Variants in FGF14 observed in about 807,000 individuals in gnomAD.
The protein encoded by FGF14 is fibroblast growth factor homologous factor 4.
Under a neutral mutation model 25.5 loss-of-function variants are expected in FGF14, and 5 were observed. The ratio of observed to expected loss-of-function variants is 0.20; its 90% CI spans 0.10 to 0.41. The LOEUF (loss-of-function observed/expected upper bound fraction) is 0.41, where lower values mean the gene tolerates loss of function less well. Among genes scored for constraint, FGF14 ranks in the 10% least tolerant of loss-of-function variants. The probability of loss-of-function intolerance (pLI) is 1.00; values close to 1 mark genes in which losing one functional copy is unlikely to be tolerated. For synonymous variants in FGF14, 138 were observed against 118.3 expected, an observed-to-expected ratio of 1.17 and a Z score of -1.08; for missense variants, 222 against 320.1, an observed-to-expected ratio of 0.69 and a Z score of 2.34.
chr13:101,976,988 T>C lies in FGF14; in HGVS notation c.209-101692A>G, dbSNP rs555534673. Among the ~76,000 whole-genome samples, 12 of 152,354 alleles carry C rather than the reference T, an allele frequency of 7.9e-5. No homozygotes were observed. The East Asian group carries it at 1.7e-3, about 22-fold the overall frequency. Reference sequence around the variant, plus strand: ...GGATAATATCATTACATTCCATATATATTATTGTACACAAATAACGTTATA... The same window carrying C: ...GGATAATATCATTACATTCCATATACATTATTGTACACAAATAACGTTATA... On this transcript the variant is annotated intron_variant, in intron 1 of 4. Transcript: ENST00000376131.
chr13:101,767,168 C>T (rs1281082262), intron 3 of FGF14, among the ~76,000 whole-genome samples: 1 of 152,036 alleles, frequency 6.6e-6, no homozygotes, highest in African/African-American at 2.4e-5. Flanking sequence ...TTTCTAGCCA[C>T]GTATGTGATG....
At chr13:102,171,219 G>A (rs2140677089) in intron 1 of FGF14, among the ~76,000 whole-genome samples, 1 of 152,256 alleles carries the variant, frequency 6.6e-6, no homozygotes, top group East Asian at 1.9e-4. Flanking sequence ...TTTATCATGT[G>A]CTGTTTCTAT....
rs2034561032 is a variant in FGF14, at chr13:101,713,246, T to C, written c.*9585A>G. 6.6e-6 allele frequency: 1 copy of C among 152,228 alleles called. No individual in the cohort carries two copies. The highest frequency in any genetic ancestry group is 3.2e-3 in the Middle Eastern group (1 of 316). The allele number at this position is 152,228 out of a possible 1,614,324, so 9.4% of individuals were successfully genotyped here. A position where few individuals can be genotyped will look rare whatever the true frequency, so the allele number is the denominator to read the frequency against. ...CTGAATCCTTTCATGATATCTGTGA[T>C]GACCACAACTCCTTTTTCCTGATCA... On this transcript the variant is annotated 3_prime_UTR_variant, in exon 5 of 5. Coordinates refer to ENST00000376143, the MANE Select transcript of FGF14 (RefSeq NM_004115.4).
intron 1 of FGF14, among the ~76,000 whole-genome samples, chr13:101,905,512 T>C (rs1254483763): frequency 6.6e-6 from 1 of 150,850 alleles, no homozygotes; most frequent in Non-Finnish European, 1.5e-5. Flanking sequence ...TGAGAACACA[T>C]GGACATGGGG....
chr13:101,764,578 A>T (rs2038260406), intron 3 of FGF14, among the ~76,000 whole-genome samples: 1 of 151,612 alleles, frequency 6.6e-6, no homozygotes, highest in African/African-American at 2.4e-5. Context: ...TTGTTTCTTC[A>T]CTCTCCCTGC....
At position 102,400,544 on chromosome 13, in the gene FGF14, G is replaced by C. The variant is rs1251472703; in HGVS notation, c.208+927C>G. Among the ~76,000 whole-genome samples the C allele has an allele frequency of 6.6e-6, 1 of 152,154 alleles. No homozygotes were observed. The highest frequency in any genetic ancestry group is 2.4e-5 in the African/African-American group (1 of 41,444). Reference sequence around the variant, plus strand: ...GTTGCTCGCCCACAGCTCCGCGGCCGCCCCCAATCGCCTCGGACTGAGACG... The same window carrying C: ...GTTGCTCGCCCACAGCTCCGCGGCCCCCCCCAATCGCCTCGGACTGAGACG... On this transcript the variant is annotated intron_variant, in intron 1 of 4. Transcript: ENST00000376131. The surrounding 1 kb of genome is among the most constrained non-coding windows in gnomAD (Gnocchi z 4.3).
chr13:101,758,758 T>C (rs1462209073), intron 3 of FGF14, among the ~76,000 whole-genome samples: 1 of 152,208 alleles, frequency 6.6e-6, no homozygotes, highest in East Asian at 1.9e-4. Flanking sequence ...TGACTGAGTA[T>C]AGATCAGCAG....
chr13:101,754,035 GTGCCTGGAATAGCCATTTCTT>G (rs2139858189), intron 3 of FGF14, among the ~76,000 whole-genome samples: 1 of 152,234 alleles, frequency 6.6e-6, no homozygotes, highest in East Asian at 1.9e-4. Flanking sequence ...GTATGCCCGC[GTGCCTGGAATAGCCATTTCTT>G]TGCCTTTTCG....
intron 3 of FGF14, among the ~76,000 whole-genome samples, chr13:101,799,584 G>T (rs2040751595): frequency 6.6e-6 from 1 of 152,076 alleles, no homozygotes; most frequent in African/African-American, 2.4e-5. Context: ...CCGATCATTT[G>T]GGGGAAATTG....
rs750528123 is a variant in FGF14, at chr13:102,135,206, T to TCAAA, written c.209-259914_209-259911dup. The stretch of plus-strand genomic sequence containing the variant: ...CTGGGTGACAGAGCAAGACCCTATC[T>TCAAA]CAAACAAACAAACAAAGAAAAAGAC... On this transcript the variant is annotated intron_variant, in intron 1 of 4. Coordinates refer to the FGF14 transcript ENST00000376131. Among the ~76,000 whole-genome samples the TCAAA allele has an allele frequency of 8.5e-5, 13 of 152,078 alleles. 1 individual carries two copies. In the East Asian group the frequency reaches 1.7e-3, roughly 20 times the overall value.
intron 1 of FGF14, among the ~76,000 whole-genome samples, chr13:102,278,367 G>A (rs1401692183): frequency 6.6e-6 from 1 of 152,132 alleles, no homozygotes; most frequent in Non-Finnish European, 1.5e-5. Flanking sequence ...AAACTGGAAA[G>A]GTGGCTTCAA....
chr13:101,811,026 A>C (rs2041475161), intron 3 of FGF14, among the ~76,000 whole-genome samples: 3 of 74,012 alleles, frequency 4.1e-5, no homozygotes, highest in South Asian at 5.6e-4. Flanking sequence ...CAAAACACAC[A>C]TATCCGCCCC....
chr13:102,119,672 C>G (rs627884), intron 1 of FGF14, among the ~76,000 whole-genome samples: 27,659 of 152,038 alleles, frequency 0.18, 2,926 homozygotes, highest in African/African-American at 0.3. Context: ...TTCACGCACA[C>G]ATAAAAGTAT....
intron 1 of FGF14, among the ~76,000 whole-genome samples, chr13:102,249,426 C>G (rs1208130303): frequency 2.6e-5 from 4 of 152,134 alleles, no homozygotes; most frequent in African/African-American, 7.2e-5. Flanking sequence ...GCCTTGAAGA[C>G]AGCAGTTTTG....
intron 1 of FGF14, among the ~76,000 whole-genome samples, chr13:102,066,398 T>C (rs1381835005): frequency 6.6e-6 from 1 of 152,136 alleles, no homozygotes; most frequent in Non-Finnish European, 1.5e-5. Context: ...TGGATACAAA[T>C]TAGGCACTCA....
chr13:101,938,297 T>C (rs1566464823), intron 1 of FGF14, among the ~76,000 whole-genome samples: 1 of 152,236 alleles, frequency 6.6e-6, no homozygotes, highest in Admixed American at 6.5e-5. Flanking sequence ...AAAAAATCCA[T>C]TGGCATAGAG....
chr13:101,817,882 T>C (rs2041918550), intron 3 of FGF14, among the ~76,000 whole-genome samples: 1 of 152,216 alleles, frequency 6.6e-6, no homozygotes, highest in South Asian at 2.1e-4. Flanking sequence ...GTTCTGATGA[T>C]GAAAACAAGA....
intron 1 of FGF14, among the ~76,000 whole-genome samples, chr13:102,377,998 A>C (rs189921348): frequency 8.3e-4 from 127 of 152,378 alleles, no homozygotes; most frequent in African/African-American, 2.9e-3. Context: ...GTACAAAAGA[A>C]GACTCAGTGA....
intron 1 of FGF14, among the ~76,000 whole-genome samples, chr13:102,075,442 G>A (rs978003217): frequency 4.6e-5 from 7 of 152,114 alleles, no homozygotes; most frequent in Admixed American, 4.6e-4. Context: ...TATCATCTTA[G>A]CACAATGCAT....
Sources: allele counts gnomAD v4.1 joint callset (sites outside exome capture counted in the v4.1 genomes callset), GRCh38; gene constraint gnomAD v4.1.1; non-coding constraint Gnocchi (gnomAD v3.1); transcripts MANE v1.5; gene names NCBI Gene and HGNC (gene_info 2026-07-23, HGNC 2026-07-21).